ATF6: variants seen among roughly 807,000 people sequenced by gnomAD.
ATF6 encodes activating transcription factor 6.
In ATF6, 53 loss-of-function variants were observed where a neutral mutation model predicts 83.6. That is an observed-to-expected ratio of 0.63 (90% confidence interval 0.51 to 0.80). ATF6 has a LOEUF of 0.80. ATF6 is among the 30% of genes least tolerant of loss of function. The probability of loss-of-function intolerance (pLI) is 0.00; values close to 1 mark genes in which losing one functional copy is unlikely to be tolerated. For synonymous variants in ATF6, 288 were observed against 285.8 expected (o/e 1.01, Z -0.08); for missense variants, 744 against 797.9 (o/e 0.93, Z 0.81).
In ATF6 at chr1:161,846,700, A is replaced by G. The variant is rs189580747; in HGVS notation, c.1319+120A>G. 1.1e-5 allele frequency: 11 copies of G among 977,816 alleles called. No homozygotes were observed. In the Admixed American group the frequency reaches 2.9e-4, roughly 25 times the overall value. 60.6% of individuals were successfully genotyped at this position (977,816 alleles called of 1,614,324 possible). On this transcript the variant is annotated intron_variant, in intron 10 of 15. Transcript: ENST00000367942. ...GTGTATATTTTGAGTAGTAGAACAC[A>G]TAAATTACTGAAACCATTAATACAT...
rs2101785693 is a variant in ATF6, at chr1:161,821,120, G to A, written c.1146G>A (p.Met382Ile). 8.1e-6 allele frequency: 13 copies of A among 1,613,114 alleles called. No homozygotes were observed. The highest frequency in any genetic ancestry group is 1.1e-5 in the Non-Finnish European group (13 of 1,179,494). ...PSPKRRVVCV[M>I]IVLAFIILNY... ...CAAAGCGAAGAGTTGTCTGTGTGAT[G>A]ATAGTATTGGCATTTATAATACTGA... The change falls in exon 9 of 16, where the codon ATG becomes ATA. Residue 382 changes from methionine to isoleucine, a missense_variant. By Grantham distance (10) the Met-to-Ile change is conservative (BLOSUM62 1). Transcript: ENST00000367942.
In ATF6 at chr1:161,819,734, AT is replaced by A; in HGVS notation, c.1013del (p.Leu338Ter). On this transcript the variant is annotated frameshift_variant, in exon 8 of 16. Transcript: ENST00000367942. LOFTEE classifies it high-confidence loss of function. The part of the protein sequence containing the change: ...KEYMLGLEAR[L>X]KAALSENEQL... ...AATATATGCTAGGGTTAGAGGCGAG[AT>A]TAAAGGCTGCCCTCTCAGAAAACGA... 6.2e-7 allele frequency: 1 copy of A among 1,613,292 alleles called. No individual in the cohort carries two copies. Among genetic ancestry groups the A allele is most frequent in the Non-Finnish European group, 8.5e-7 (1 of 1,179,692 alleles).
chr1:161,958,377 G>A lies in ATF6; in HGVS notation c.1805-69G>A. 2.7e-6 allele frequency: 4 copies of A among 1,460,706 alleles called. No homozygotes were observed. In the South Asian group the frequency reaches 4.0e-5, roughly 14 times the overall value. The allele number at this position is 1,460,706 out of a possible 1,614,324, so 90.5% of individuals were successfully genotyped here. On this transcript the variant is annotated intron_variant, in intron 15 of 15. Transcript: ENST00000367942. ...TTAAAGCACATTTCTGTATTTCTGG[G>A]GCTGAAGCTTATGGCAGAGATGCAC...
chr1:161,920,037 A>T (rs1350391107), intron 15 of ATF6, among the ~76,000 whole-genome samples: 1 of 152,186 alleles, frequency 6.6e-6, no homozygotes, highest in East Asian at 1.9e-4. Flanking sequence ...CGTCCTATTC[A>T]TTCTGCTCAA....
intron 15 of ATF6, among the ~76,000 whole-genome samples, chr1:161,957,438 A>G (rs888399563): frequency 6.6e-6 from 1 of 152,114 alleles, no homozygotes; most frequent in Non-Finnish European, 1.5e-5. Flanking sequence ...TATTGCTGTG[A>G]TTGTTCAGTT....
At chr1:161,858,696 G>A (rs1463041496) in intron 12 of ATF6, among the ~76,000 whole-genome samples, 1 of 152,186 alleles carries the variant, frequency 6.6e-6, no homozygotes, top group Admixed American at 6.5e-5. Context: ...TCATTTCTGT[G>A]TAAATGCCTC....
intron 2 of ATF6, among the ~76,000 whole-genome samples, chr1:161,779,131 A>G (rs887317622): frequency 6.6e-6 from 1 of 152,238 alleles, no homozygotes; most frequent in African/African-American, 2.4e-5. Flanking sequence ...TTAAAAAATC[A>G]GTACTAGGGA....
chr1:161,929,371 G>A (rs1244684176), intron 15 of ATF6, among the ~76,000 whole-genome samples: 5 of 152,126 alleles, frequency 3.3e-5, no homozygotes, highest in African/African-American at 1.2e-4. Flanking sequence ...CAGAACCAAA[G>A]CCATGGCTGG....
chr1:161,884,184 T>C (rs1278775711), intron 14 of ATF6, among the ~76,000 whole-genome samples: 1 of 152,098 alleles, frequency 6.6e-6, no homozygotes, highest in Non-Finnish European at 1.5e-5. Context: ...TTAAATTGTT[T>C]TTATTTTTAT....
intron 10 of ATF6, among the ~76,000 whole-genome samples, chr1:161,847,862 A>G (rs1033476894): frequency 6.6e-6 from 1 of 152,134 alleles, no homozygotes; most frequent in Non-Finnish European, 1.5e-5. Context: ...AGTTCAGGTA[A>G]GCTTTACAAG....
At chr1:161,773,779 A>G (rs1011312901) in intron 1 of ATF6, among the ~76,000 whole-genome samples, 4 of 152,210 alleles carry the variant, frequency 2.6e-5, no homozygotes, top group Non-Finnish European at 4.4e-5. Flanking sequence ...TGCAAAGGAT[A>G]TAGAAATAGG....
chr1:161,796,150 T>G (rs1287103570), intron 6 of ATF6, among the ~76,000 whole-genome samples: 1 of 152,206 alleles, frequency 6.6e-6, no homozygotes, highest in African/African-American at 2.4e-5. Flanking sequence ...TAGTACAGAT[T>G]TGGATTATTT....
At chr1:161,943,411 G>T (rs763978724) in intron 15 of ATF6, among the ~76,000 whole-genome samples, 8 of 152,202 alleles carry the variant, frequency 5.3e-5, no homozygotes, top group Non-Finnish European at 1.2e-4. Flanking sequence ...ATGTGGAACT[G>T]TGAGTCAATT....
chr1:161,782,238 A>C (rs1050548015), intron 3 of ATF6, among the ~76,000 whole-genome samples: 2 of 152,266 alleles, frequency 1.3e-5, no homozygotes, highest in Admixed American at 6.5e-5. Context: ...TATCAGAAAT[A>C]GAAATAGTGA....
At chr1:161,897,034 A>C (rs1390497956) in intron 14 of ATF6, among the ~76,000 whole-genome samples, 1 of 152,248 alleles carries the variant, frequency 6.6e-6, no homozygotes, top group Non-Finnish European at 1.5e-5. Context: ...AAATTTCAAC[A>C]AATTAACATC....
intron 6 of ATF6, among the ~76,000 whole-genome samples, chr1:161,795,729 T>A (rs143796181): frequency 6.6e-6 from 1 of 152,348 alleles, no homozygotes; most frequent in East Asian, 1.9e-4. Context: ...AATGTCCTTT[T>A]TAACTGTTTC....
intron 15 of ATF6, among the ~76,000 whole-genome samples, chr1:161,918,600 A>C (rs537873859): frequency 6.6e-6 from 1 of 152,332 alleles, no homozygotes; most frequent in East Asian, 1.9e-4. Context: ...GTACCTATTT[A>C]TTGAAAGAGC....
At chr1:161,770,124 G>A (rs1684351711) in intron 1 of ATF6, among the ~76,000 whole-genome samples, 2 of 151,854 alleles carry the variant, frequency 1.3e-5, no homozygotes, top group Admixed American at 1.3e-4. Flanking sequence ...TCTTTTCACT[G>A]TCTCCATGGT....
chr1:161,924,851 A>G (rs753418229), intron 15 of ATF6, among the ~76,000 whole-genome samples: 3 of 152,182 alleles, frequency 2.0e-5, no homozygotes, highest in Non-Finnish European at 4.4e-5. Context: ...ATAAAATATC[A>G]TGGTTAAAAA....
Sources: gnomAD v4.1 joint callset for allele counts (sites outside exome capture counted in the v4.1 genomes callset) on GRCh38, gnomAD v4.1.1 for gene constraint, MANE v1.5 for transcripts, NCBI Gene and HGNC (gene_info 2026-07-23, HGNC 2026-07-21) for gene names.